The following KAZN variants were observed in gnomAD, a reference collection of about 807,000 sequenced individuals.
KAZN encodes the protein kazrin, periplakin interacting protein.
In KAZN, 40 loss-of-function variants were observed where a neutral mutation model predicts 87.4. That is an observed-to-expected ratio of 0.46 (90% CI 0.36 to 0.60). KAZN has a LOEUF of 0.60. Ranked by LOEUF, KAZN falls within the 20% of genes least tolerant of loss-of-function variation. The probability of loss-of-function intolerance (pLI) is 0.00; values close to 1 mark genes in which losing one functional copy is unlikely to be tolerated. For missense variants in KAZN, 898 were observed against 1,073.9 expected, an observed-to-expected ratio of 0.84 and a Z score of 2.29; for synonymous variants, 466 against 458.3, an observed-to-expected ratio of 1.02 and a Z score of -0.22.
At chr1:13,930,419 T>C (rs963262037) in intron 1 of KAZN, among the ~76,000 whole-genome samples, 3 of 152,166 alleles carry the variant, frequency 2.0e-5, no homozygotes, top group Admixed American at 2.0e-4. Flanking sequence ...AAGCCATTGG[T>C]TTTGGCTATT....
chr1:14,701,022 A>G (rs1282572074), intron 1 of KAZN, among the ~76,000 whole-genome samples: 1 of 152,242 alleles, frequency 6.6e-6, no homozygotes, highest in East Asian at 1.9e-4. Context: ...AGAAGATTTC[A>G]ATTAAGCCTG....
At chr1:14,914,422 G>A (rs1422963233) in intron 1 of KAZN, among the ~76,000 whole-genome samples, 1 of 152,212 alleles carries the variant, frequency 6.6e-6, no homozygotes, top group African/African-American at 2.4e-5. Context: ...ACTATTTGCC[G>A]GTAGCACAGA....
At chr1:14,702,326 C>CTGTGTGTATGTGTG (rs1553213030) in intron 1 of KAZN, among the ~76,000 whole-genome samples, 2 of 133,368 alleles carry the variant, frequency 1.5e-5, no homozygotes, top group East Asian at 4.6e-4. Flanking sequence ...TTTTGCAAAA[C>CTGTGTGTATGTGTG]TGTGTGTGTG....
chr1:14,764,663 A>C (rs1248265342), intron 1 of KAZN, among the ~76,000 whole-genome samples: 1 of 151,908 alleles, frequency 6.6e-6, no homozygotes, highest in East Asian at 1.9e-4. Context: ...GAGGGAGGGA[A>C]TTGAAGGAGT....
intron 2 of KAZN, among the ~76,000 whole-genome samples, chr1:14,283,718 C>T (rs1026430878): frequency 6.6e-6 from 1 of 152,102 alleles, no homozygotes; most frequent in Non-Finnish European, 1.5e-5. Context: ...CCATATAGCC[C>T]AGAAATTCTA....
intron 1 of KAZN, among the ~76,000 whole-genome samples, chr1:14,028,835 G>A (rs936717825): frequency 2.0e-5 from 3 of 152,014 alleles, no homozygotes; most frequent in African/African-American, 7.2e-5. Context: ...AGTATTCCAT[G>A]GTGTATATGT....
intron 1 of KAZN, among the ~76,000 whole-genome samples, chr1:14,869,187 C>G (rs1038377040): frequency 6.6e-6 from 1 of 152,198 alleles, no homozygotes; most frequent in Non-Finnish European, 1.5e-5. Context: ...CCCCTTCCTG[C>G]CTGTCTTGAC....
chr1:13,904,835 T>C (rs1186877234), intron 1 of KAZN, among the ~76,000 whole-genome samples: 1 of 152,222 alleles, frequency 6.6e-6, no homozygotes, highest in Non-Finnish European at 1.5e-5. Flanking sequence ...CAGTTACTTA[T>C]TTCTTTGAAC....
chr1:14,758,945 G>A (rs1572408939), intron 1 of KAZN, among the ~76,000 whole-genome samples: 1 of 152,052 alleles, frequency 6.6e-6, no homozygotes, highest in Non-Finnish European at 1.5e-5. Flanking sequence ...GAAAGTAAGA[G>A]AGCTGGAGAA....
At chr1:14,672,089 A>G (rs1270150452) in intron 1 of KAZN, among the ~76,000 whole-genome samples, 1 of 150,640 alleles carries the variant, frequency 6.6e-6, no homozygotes, top group South Asian at 2.1e-4. Context: ...CTTTTGGGAG[A>G]TGTGTCATCC....
chr1:14,393,950 T>G (rs1282665000), intron 2 of KAZN, among the ~76,000 whole-genome samples: 2 of 152,182 alleles, frequency 1.3e-5, no homozygotes, highest in African/African-American at 4.8e-5. Flanking sequence ...TAAACTCATT[T>G]TAATGGTATC....
chr1:14,691,582 G>A (rs1044683757), intron 1 of KAZN, among the ~76,000 whole-genome samples: 17 of 152,104 alleles, frequency 1.1e-4, no homozygotes, highest in African/African-American at 3.9e-4. Flanking sequence ...CGCCTCCTGG[G>A]TTCAAGTGAT....
intron 1 of KAZN, among the ~76,000 whole-genome samples, chr1:14,622,559 C>T (rs1003338434): frequency 6.6e-5 from 10 of 151,844 alleles, no homozygotes; most frequent in Non-Finnish European, 4.4e-5. Context: ...GGCGTGGTGG[C>T]GGGTGCCTGT....
chr1:14,677,841 G>A (rs1260358376), intron 1 of KAZN, among the ~76,000 whole-genome samples: 1 of 152,246 alleles, frequency 6.6e-6, no homozygotes, highest in African/African-American at 2.4e-5. Context: ...TGTCAATGGG[G>A]TATGCAGAGT....
At chr1:14,288,779 G>A (rs949076555) in intron 2 of KAZN, among the ~76,000 whole-genome samples, 13 of 152,184 alleles carry the variant, frequency 8.5e-5, no homozygotes, top group African/African-American at 1.2e-4. Flanking sequence ...ATGTTAGGGT[G>A]TGCATTTTAG....
At chr1:14,757,852 C>G (rs1216849163) in intron 1 of KAZN, among the ~76,000 whole-genome samples, 1 of 152,046 alleles carries the variant, frequency 6.6e-6, no homozygotes, top group Non-Finnish European at 1.5e-5. Context: ...GTTTATAGAA[C>G]CTGTCGCCAC....
intron 1 of KAZN, among the ~76,000 whole-genome samples, chr1:14,808,499 T>C (rs1646299555): frequency 6.6e-6 from 1 of 151,422 alleles, no homozygotes; most frequent in African/African-American, 2.4e-5. Flanking sequence ...GGTTTCACCA[T>C]GTTGGCTGGG....
intron 1 of KAZN, among the ~76,000 whole-genome samples, chr1:13,915,095 A>G (rs1639794224): frequency 6.6e-6 from 1 of 152,240 alleles, no homozygotes; most frequent in South Asian, 2.1e-4. Flanking sequence ...GTGTGTGTAA[A>G]TGTACACACA....
chr1:14,405,838 C>A (rs569107935), intron 2 of KAZN, among the ~76,000 whole-genome samples: 18 of 151,690 alleles, frequency 1.2e-4, no homozygotes, highest in Non-Finnish European at 2.2e-4. Flanking sequence ...AGCAGTCAGG[C>A]AGGAGGCATT....
Sources: allele counts gnomAD v4.1 joint callset (sites outside exome capture counted in the v4.1 genomes callset), GRCh38; gene constraint gnomAD v4.1.1; transcripts MANE v1.5; gene names NCBI Gene and HGNC (gene_info 2026-07-23, HGNC 2026-07-21).